The following MRTFB variants were observed in gnomAD, a reference collection of about 807,000 sequenced individuals.
The protein encoded by MRTFB is myocardin related transcription factor B, also known as myocardin-related transcription factor B.
MRTFB carries 29 observed loss-of-function variants against 104.2 expected under a neutral mutation model. That is an observed-to-expected ratio of 0.28 (90% CI 0.21 to 0.38). The LOEUF (loss-of-function observed/expected upper bound fraction) is 0.38. Among genes scored for constraint, MRTFB ranks in the 10% least tolerant of loss-of-function variants. The pLI, the probability that MRTFB is intolerant of heterozygous loss-of-function variation, is 1.00. For synonymous variants in MRTFB, 535 were observed against 519.5 expected (o/e 1.03, Z -0.41); for missense variants, 1,270 against 1,341.6 (o/e 0.95, Z 0.83).
intron 12 of MRTFB, 96 bp downstream of exon 12, chr16:14,247,603 C>T (rs2043078768): frequency 5.2e-6 from 6 of 1,147,668 alleles, no homozygotes; most frequent in East Asian, 2.6e-5. Flanking sequence ...TCCATAAATG[C>T]GTCCAGAGCA....
chr16:14,023,544 A>T, the MRTFB span, among the ~76,000 whole-genome samples: 1 of 151,832 alleles, frequency 6.6e-6, no homozygotes, highest in South Asian at 2.1e-4. Context: ...CATCCGTAAA[A>T]TGAAAAGAGT....
chr16:14,182,413 G>A (rs976839087), intron 3 of MRTFB, among the ~76,000 whole-genome samples: 6 of 152,128 alleles, frequency 3.9e-5, no homozygotes, highest in Admixed American at 2.0e-4. Context: ...AAATGAGAGC[G>A]AACCTGTGGC....
chr16:14,230,881 C>T (rs942342027), intron 8 of MRTFB, among the ~76,000 whole-genome samples: 1 of 151,142 alleles, frequency 6.6e-6, no homozygotes, highest in East Asian at 1.9e-4. Context: ...TTGGAACCAA[C>T]CCAAATGTCC....
upstream of MRTFB, among the ~76,000 whole-genome samples, chr16:14,070,163 C>T (rs1306585066): frequency 1.3e-5 from 2 of 152,112 alleles, no homozygotes; most frequent in East Asian, 1.9e-4. Context: ...TTACAGCAGC[C>T]GGCCCAGATG....
intron 6 of MRTFB, among the ~76,000 whole-genome samples, chr16:14,216,563 TTCC>T (rs2041435639): frequency 1.3e-5 from 2 of 152,172 alleles, no homozygotes; most frequent in Non-Finnish European, 2.9e-5. Context: ...TAGTTGAATG[TTCC>T]TAACAGACAC....
intron 2 of MRTFB, among the ~76,000 whole-genome samples, chr16:14,136,855 A>G (rs553971912): frequency 1.3e-5 from 2 of 152,124 alleles, no homozygotes; most frequent in East Asian, 3.9e-4. Context: ...TTGATCTTAC[A>G]GTATTATGCT....
intron 3 of MRTFB, among the ~76,000 whole-genome samples, chr16:14,180,712 CT>C (rs1028175170): frequency 6.6e-6 from 1 of 152,252 alleles, no homozygotes; most frequent in Non-Finnish European, 1.5e-5. Context: ...GAGCACAGGC[CT>C]GTCATGGGAC....
intron 2 of MRTFB, among the ~76,000 whole-genome samples, chr16:14,087,907 TAGTA>T (rs1375306714): frequency 7.9e-5 from 12 of 152,226 alleles, no homozygotes; most frequent in African/African-American, 2.7e-4. Context: ...TTCCCTCTAA[TAGTA>T]AGTGTTTCTC....
intron 2 of MRTFB, among the ~76,000 whole-genome samples, chr16:14,086,352 T>G (rs1567305851): frequency 1.3e-5 from 2 of 152,218 alleles, no homozygotes; most frequent in East Asian, 3.8e-4. Flanking sequence ...AAAGAGTTCA[T>G]GAGCTAGTTT....
the MRTFB span, among the ~76,000 whole-genome samples, chr16:14,038,245 A>G: frequency 2.0e-5 from 3 of 152,082 alleles, no homozygotes; most frequent in African/African-American, 7.2e-5. Context: ...TATTATAAAA[A>G]CACCAGTCAT....
chr16:14,056,575 G>A, the MRTFB span, among the ~76,000 whole-genome samples: 1 of 152,114 alleles, frequency 6.6e-6, no homozygotes, highest in African/African-American at 2.4e-5. Flanking sequence ...CTCCAGTTCT[G>A]GAAGTAACCA....
rs375489508 is a variant in MRTFB at position 14,265,581 on chromosome 16, T to A, written c.*4137T>A. 6.6e-6 allele frequency: 1 copy of A among 152,374 alleles called. No individual in the cohort carries two copies. The highest frequency in any genetic ancestry group is 1.9e-4 in the East Asian group (1 of 5,192). 9.4% of individuals were successfully genotyped at this position (152,374 alleles called of 1,614,324 possible). Reference sequence around the variant, plus strand: ...AGTCTCTCTGAGCTACATTTTTATTTGTAAAGTGACTCTGTCTGCATGGCA... The same window carrying A: ...AGTCTCTCTGAGCTACATTTTTATTAGTAAAGTGACTCTGTCTGCATGGCA... On this transcript the variant is annotated 3_prime_UTR_variant, in exon 17 of 17. Coordinates refer to ENST00000571589, the MANE Select transcript of MRTFB (RefSeq NM_001308142.2).
the MRTFB span, among the ~76,000 whole-genome samples, chr16:14,029,419 A>AT: frequency 0.023 from 2,076 of 88,746 alleles, 35 homozygotes; most frequent in African/African-American, 0.054. Context: ...AAAAAAAAAA[A>AT]ATATATATAT....
intron 13 of MRTFB, 82 bp downstream of exon 13, chr16:14,249,163 C>G: frequency 6.8e-7 from 1 of 1,479,364 alleles, no homozygotes; most frequent in Non-Finnish European, 9.1e-7. Flanking sequence ...TCTTTGTAAA[C>G]GCCCTGGGAA....
At chr16:14,113,642 A>G (rs1422505912) in intron 2 of MRTFB, among the ~76,000 whole-genome samples, 2 of 152,196 alleles carry the variant, frequency 1.3e-5, no homozygotes, top group East Asian at 3.8e-4. Context: ...AAGGAATTCC[A>G]GCTCCTAGCT....
At position 14,261,606 on chromosome 16, in the gene MRTFB, C is replaced by T; in HGVS notation, c.*162C>T. ...ATAGCCTGGAACCCAAGTTTGAAAACATTTCATTGTGTTCAGTAGTGAATT... is the reference window on the plus strand; with the variant it reads ...ATAGCCTGGAACCCAAGTTTGAAAATATTTCATTGTGTTCAGTAGTGAATT... On this transcript the variant is annotated 3_prime_UTR_variant, in exon 17 of 17. Transcript: ENST00000571589. 1.5e-6 allele frequency: 1 copy of T among 686,500 alleles called. No individual in the cohort carries two copies. The highest frequency in any genetic ancestry group is 2.3e-6 in the Non-Finnish European group (1 of 426,402). 42.5% of individuals were successfully genotyped at this position (686,500 alleles called of 1,614,324 possible).
the MRTFB span, among the ~76,000 whole-genome samples, chr16:14,023,267 ATC>A: frequency 6.6e-6 from 1 of 151,946 alleles, no homozygotes; most frequent in Non-Finnish European, 1.5e-5. Context: ...GCAAGACCCT[ATC>A]TCTACAAAAA....
Position 14,218,854 on chromosome 16 carries a change from C to G in MRTFB, c.549C>G (p.Gly183=), listed in dbSNP as rs367882813. 2 of 1,612,538 alleles carry G rather than the reference C, an allele frequency of 1.2e-6. No individual in the cohort carries two copies. The highest frequency in any genetic ancestry group is 1.7e-6 in the Non-Finnish European group (2 of 1,179,324). The change falls in exon 8 of 17, where the codon GGC becomes GGG. Residue 183 remains glycine (G), a synonymous_variant. Coordinates refer to ENST00000571589, the MANE Select transcript of MRTFB (RefSeq NM_001308142.2). ...VGKEDYPHTQ[G]DFSFDEDSSD... is the part of the protein sequence containing the mutation. ...AGGAGGACTATCCCCACACTCAGGGCGATTTCTCATTTGATGAAGACAGCA... is the reference window on the plus strand; with the variant it reads ...AGGAGGACTATCCCCACACTCAGGGGGATTTCTCATTTGATGAAGACAGCA...
At chr16:13,999,021 C>G in the MRTFB span, among the ~76,000 whole-genome samples, 1 of 150,452 alleles carries the variant, frequency 6.6e-6, no homozygotes, top group East Asian at 2.0e-4. Context: ...GAAACCCTGT[C>G]TCTACTAAAA....
Sources: gnomAD v4.1 joint callset for allele counts (sites outside exome capture counted in the v4.1 genomes callset) on GRCh38, gnomAD v4.1.1 for gene constraint, MANE v1.5 for transcripts, NCBI Gene and HGNC (gene_info 2026-07-23, HGNC 2026-07-21) for gene names.